Variants in KCNH8 observed in about 807,000 individuals in gnomAD.
The protein encoded by KCNH8 is potassium voltage-gated channel subfamily H member 8.
In KCNH8, 70 loss-of-function variants were observed where a neutral mutation model predicts 103.6. The observed-to-expected ratio is 0.68, with a 90% CI of 0.56 to 0.82. The LOEUF is 0.82. KCNH8 is among the 40% of genes least tolerant of loss of function. KCNH8 has a pLI of 0.00. For synonymous variants in KCNH8, 498 were observed against 489.4 expected, an observed-to-expected ratio of 1.02 and a Z score of -0.23; for missense variants, 1,217 against 1,329.9, an observed-to-expected ratio of 0.92 and a Z score of 1.32.
At chr3:19,150,731 T>A (rs1246109102) in intron 1 of KCNH8, among the ~76,000 whole-genome samples, 1 of 152,214 alleles carries the variant, frequency 6.6e-6, no homozygotes, top group Non-Finnish European at 1.5e-5. Context: ...TAAATCCTTA[T>A]TTTTAAAGAA....
chr3:19,385,147 G>T (rs370818099), intron 5 of KCNH8, among the ~76,000 whole-genome samples: 1 of 152,116 alleles, frequency 6.6e-6, no homozygotes, highest in Non-Finnish European at 1.5e-5. Context: ...AATGTATTCT[G>T]TGCTGCTGCT....
chr3:19,338,903 A>G (rs138664287), intron 3 of KCNH8, among the ~76,000 whole-genome samples: 2,141 of 152,210 alleles, frequency 0.014, 25 homozygotes, highest in South Asian at 0.036. Context: ...GGTCATTACT[A>G]TGCCTGTATG....
At chr3:19,302,788 G>C (rs772784755) in intron 3 of KCNH8, among the ~76,000 whole-genome samples, 1 of 152,026 alleles carries the variant, frequency 6.6e-6, no homozygotes, top group Non-Finnish European at 1.5e-5. Context: ...TATTTCTCTT[G>C]AGTCTAGAAC....
In KCNH8 at chr3:19,395,233, G is replaced by T; in HGVS notation, c.1099G>T (p.Ala367Ser). The change falls in exon 7 of 16, where the codon GCA (alanine) becomes TCA (serine). Residue 367 changes from alanine (A) to serine (S), a missense_variant. By Grantham distance (99) the Ala-to-Ser change is moderately conservative. Coordinates refer to ENST00000328405, the MANE Select transcript of KCNH8 (RefSeq NM_144633.3). ...GCTCATGTCCATGTTTGCACTCCTT[G>T]CACACTGGATGGCGTGTATCTGGTA... ...TLLMSMFALL[A>S]HWMACIWYVI... 6.2e-7 allele frequency: 1 copy of T among 1,609,382 alleles called. No homozygotes were observed. Among genetic ancestry groups the T allele is most frequent in the African/African-American group, 1.3e-5 (1 of 74,696 alleles).
chr3:19,490,217 C>G (rs1229101220), intron 11 of KCNH8, among the ~76,000 whole-genome samples: 1 of 152,180 alleles, frequency 6.6e-6, no homozygotes, highest in African/African-American at 2.4e-5. Flanking sequence ...GCTTCCTGGT[C>G]AGGAAACCAC....
chr3:19,453,227 G>A (rs2067477011), intron 10 of KCNH8, among the ~76,000 whole-genome samples: 1 of 152,038 alleles, frequency 6.6e-6, no homozygotes, highest in African/African-American at 2.4e-5. Context: ...AGGGGCGTGA[G>A]GGATGAAAAT....
chr3:19,503,627 A>G (rs1036713449), intron 11 of KCNH8, among the ~76,000 whole-genome samples: 6 of 152,130 alleles, frequency 3.9e-5, no homozygotes, highest in Non-Finnish European at 5.9e-5. Flanking sequence ...CGTCCTTTGT[A>G]GGGACATGGA....
At chr3:19,186,891 CA>C (rs2063507705) in intron 1 of KCNH8, among the ~76,000 whole-genome samples, 1 of 152,002 alleles carries the variant, frequency 6.6e-6, no homozygotes, top group Non-Finnish European at 1.5e-5. Context: ...GATTGTCAAA[CA>C]TTTTCTGTAA....
At chr3:19,271,763 A>C (rs2064591666) in intron 2 of KCNH8, among the ~76,000 whole-genome samples, 3 of 152,144 alleles carry the variant, frequency 2.0e-5, no homozygotes, top group Admixed American at 2.0e-4. Flanking sequence ...AGTAAATGGC[A>C]AAGTAAATGA....
chr3:19,237,161 G>T (rs1302830570), intron 1 of KCNH8, among the ~76,000 whole-genome samples: 1 of 152,202 alleles, frequency 6.6e-6, no homozygotes, highest in African/African-American at 2.4e-5. Context: ...TTGATAGGAG[G>T]TCACAGGTAG....
intron 1 of KCNH8, among the ~76,000 whole-genome samples, chr3:19,155,789 A>G (rs544897847): frequency 2.0e-5 from 3 of 152,274 alleles, no homozygotes; most frequent in East Asian, 1.9e-4. Context: ...CATTTCCCCT[A>G]TACTTCCACA....
chr3:19,220,774 T>C lies in KCNH8; in HGVS notation c.77-32880T>C, dbSNP rs927742024. On this transcript the variant is annotated intron_variant, in intron 1 of 15. Coordinates refer to ENST00000328405, the MANE Select transcript of KCNH8 (RefSeq NM_144633.3). ...CATATACTCCCTGAACAATGGCACT[T>C]TTTTTTTTTTCTCATCCTATCAGTG... Among the ~76,000 whole-genome samples the C allele has an allele frequency of 6.0e-5, 9 of 150,010 alleles. No homozygotes were observed. In the South Asian group the frequency reaches 1.1e-3, roughly 18 times the overall value.
intron 3 of KCNH8, among the ~76,000 whole-genome samples, chr3:19,318,982 C>T (rs1027345057): frequency 7.9e-5 from 12 of 151,746 alleles, no homozygotes; most frequent in Non-Finnish European, 1.5e-4. Flanking sequence ...ATGCCCTTAG[C>T]TCACTTTTTG....
rs768796063 is a variant in KCNH8, at chr3:19,243,651, G to A, written c.77-10003G>A. 3.3e-5 allele frequency among the ~76,000 whole-genome samples: 5 copies of A among 152,122 alleles called. No homozygotes were observed. The East Asian group carries it at 9.6e-4, about 29-fold the overall frequency. ...AGGTCAGTCCACTCTGATGGATTGG[G>A]CATATTAATTTGTATATGTTGTCTT... is the stretch of plus-strand genomic sequence containing the variant. On this transcript the variant is annotated intron_variant, in intron 1 of 15. Coordinates refer to ENST00000328405, the MANE Select transcript of KCNH8 (RefSeq NM_144633.3).
At chr3:19,272,316 C>T (rs865960024) in intron 2 of KCNH8, among the ~76,000 whole-genome samples, 7 of 152,082 alleles carry the variant, frequency 4.6e-5, no homozygotes, top group Admixed American at 6.5e-5. Context: ...AGATGATATT[C>T]TGCCAAAAAT....
At chr3:19,502,117 A>G (rs2068597572) in intron 11 of KCNH8, among the ~76,000 whole-genome samples, 2 of 147,446 alleles carry the variant, frequency 1.4e-5, no homozygotes, top group Admixed American at 1.4e-4. Context: ...AAGCATTCTT[A>G]TACACCAACA....
chr3:19,472,078 G>A (rs2067870428), intron 11 of KCNH8, among the ~76,000 whole-genome samples: 1 of 151,992 alleles, frequency 6.6e-6, no homozygotes, highest in Non-Finnish European at 1.5e-5. Context: ...GTGCACATAT[G>A]ATTTCCTTGA....
At chr3:19,378,449 G>A (rs1164446060) in intron 5 of KCNH8, among the ~76,000 whole-genome samples, 1 of 152,196 alleles carries the variant, frequency 6.6e-6, no homozygotes, top group Non-Finnish European at 1.5e-5. Context: ...ACTGTTTTAA[G>A]TATTAGAAGC....
At chr3:19,380,660 A>G (rs1476933306) in intron 5 of KCNH8, among the ~76,000 whole-genome samples, 1 of 152,122 alleles carries the variant, frequency 6.6e-6, no homozygotes, top group African/African-American at 2.4e-5. Context: ...CGTAAACCCT[A>G]TTTTGCTTCC....
Sources: allele counts gnomAD v4.1 joint callset (sites outside exome capture counted in the v4.1 genomes callset), GRCh38; gene constraint gnomAD v4.1.1; transcripts MANE v1.5; gene names NCBI Gene and HGNC (gene_info 2026-07-23, HGNC 2026-07-21).